The following GRID2 variants were observed in gnomAD, a reference collection of about 807,000 sequenced individuals.
The protein encoded by GRID2 is glutamate ionotropic receptor delta type subunit 2.
GRID2 carries 33 observed loss-of-function variants against 114.8 expected under a neutral mutation model. The observed-to-expected ratio is 0.29, with a 90% CI of 0.22 to 0.38. The LOEUF (loss-of-function observed/expected upper bound fraction) is 0.38, where lower values mean the gene tolerates loss of function less well. Among genes scored for constraint, GRID2 ranks in the 10% least tolerant of loss-of-function variants. GRID2 has a pLI of 1.00. For synonymous variants in GRID2, 505 were observed against 449.9 expected (o/e 1.12, Z -1.55); for missense variants, 1,184 against 1,257.7 (o/e 0.94, Z 0.89).
chr4:93,740,356 C>T (rs1370974463), intron 14 of GRID2, among the ~76,000 whole-genome samples: 1 of 152,150 alleles, frequency 6.6e-6, no homozygotes, highest in African/African-American at 2.4e-5. Context: ...TTTCAGAGCT[C>T]ATGGCAGCAA....
At chr4:92,885,632 G>A (rs542313688) in intron 2 of GRID2, among the ~76,000 whole-genome samples, 23 of 152,204 alleles carry the variant, frequency 1.5e-4, no homozygotes, top group Admixed American at 6.5e-4. Flanking sequence ...TCTTACCCCC[G>A]TTTTTATTGT....
intron 4 of GRID2, among the ~76,000 whole-genome samples, chr4:93,170,319 A>G (rs902482674): frequency 3.3e-5 from 5 of 152,102 alleles, no homozygotes; most frequent in Non-Finnish European, 7.4e-5. Flanking sequence ...CCTGGGCTCA[A>G]GTGATCCACC....
rs66550272 is a variant in GRID2 at position 93,765,608 on chromosome 4, T to TTATATATATATA, written c.2361-3588_2361-3577dup. On this transcript the variant is annotated intron_variant, in intron 14 of 15. Transcript: ENST00000282020. Reference sequence around the variant, plus strand: ...TATTAGAATTTAAATAGGTGAGGTATTATATATATATATATATATATATAT... The same window carrying TTATATATATATA: ...TATTAGAATTTAAATAGGTGAGGTATTATATATATATATATATATATATATATATATATATAT... Among the ~76,000 whole-genome samples, 93 of 29,468 alleles carry TTATATATATATA rather than the reference T, an allele frequency of 3.2e-3. 1 individual carries two copies. The highest frequency in any genetic ancestry group is 0.011 in the African/African-American group (89 of 8,362). The allele number at this position is 29,468 out of a possible 152,430, so 19.3% of individuals were successfully genotyped here.
intron 14 of GRID2, among the ~76,000 whole-genome samples, chr4:93,683,031 T>C (rs1725735566): frequency 6.6e-6 from 1 of 152,002 alleles, no homozygotes; most frequent in Admixed American, 6.6e-5. Context: ...ATTCAATATA[T>C]CTTTCCCATT....
At chr4:93,513,860 C>G (rs1443939542) in intron 12 of GRID2, among the ~76,000 whole-genome samples, 1 of 152,150 alleles carries the variant, frequency 6.6e-6, no homozygotes, top group Non-Finnish European at 1.5e-5. Context: ...GATTGGTGAA[C>G]TGCAAGAGTA....
intron 2 of GRID2, among the ~76,000 whole-genome samples, chr4:92,953,475 A>G (rs951759276): frequency 2.0e-5 from 3 of 152,170 alleles, no homozygotes; most frequent in Admixed American, 1.3e-4. Context: ...CTCATCTGTG[A>G]TCTCACTATT....
intron 8 of GRID2, among the ~76,000 whole-genome samples, chr4:93,321,694 G>A (rs1167681965): frequency 6.6e-6 from 1 of 151,198 alleles, no homozygotes; most frequent in African/African-American, 2.4e-5. Context: ...TTCACTTCTG[G>A]GATATTATAT....
At chr4:92,920,309 A>G (rs959267683) in intron 2 of GRID2, among the ~76,000 whole-genome samples, 4 of 152,186 alleles carry the variant, frequency 2.6e-5, no homozygotes, top group African/African-American at 7.2e-5. Context: ...CCAATTTGCC[A>G]GACTGTGTGT....
intron 3 of GRID2, among the ~76,000 whole-genome samples, chr4:93,089,304 A>G (rs1730582803): frequency 6.6e-6 from 1 of 152,158 alleles, no homozygotes; most frequent in South Asian, 2.1e-4. Flanking sequence ...GAATTCCAAC[A>G]TACTAATGCC....
intron 8 of GRID2, among the ~76,000 whole-genome samples, chr4:93,303,127 C>T (rs1338563626): frequency 6.6e-6 from 1 of 152,018 alleles, no homozygotes; most frequent in African/African-American, 2.4e-5. Flanking sequence ...TTTTAAACAA[C>T]CAGATCTTGT....
intron 13 of GRID2, among the ~76,000 whole-genome samples, chr4:93,574,603 G>C (rs1471814789): frequency 1.3e-5 from 2 of 152,042 alleles, no homozygotes; most frequent in African/African-American, 4.8e-5. Context: ...AAAACCTTCA[G>C]ATCTTGTGAG....
At chr4:92,502,705 C>CTTTT (rs70940901) in intron 1 of GRID2, among the ~76,000 whole-genome samples, 5 of 63,942 alleles carry the variant, frequency 7.8e-5, no homozygotes, top group Non-Finnish European at 1.1e-4. Context: ...CATGTGATTT[C>CTTTT]TTTTTTTTTT....
rs183115059 is a variant in GRID2, at chr4:92,543,533, C to A, written c.89-46598C>A. 3.0e-3 allele frequency among the ~76,000 whole-genome samples: 460 copies of A among 152,248 alleles called. 3 individuals carry two copies. Among genetic ancestry groups the A allele is most frequent in the Non-Finnish European group, 5.0e-3 (343 of 68,018 alleles). Reference sequence around the variant, plus strand: ...AATCATCAGGCATTTATTTTGTTCACTCCATCAAATACTTTAGTTTTGCAA... The same window carrying A: ...AATCATCAGGCATTTATTTTGTTCAATCCATCAAATACTTTAGTTTTGCAA... On this transcript the variant is annotated intron_variant, in intron 1 of 15. Coordinates refer to ENST00000282020, the MANE Select transcript of GRID2 (RefSeq NM_001510.4).
chr4:93,313,528 T>C (rs1024430524), intron 8 of GRID2, among the ~76,000 whole-genome samples: 2 of 152,214 alleles, frequency 1.3e-5, no homozygotes, highest in Admixed American at 1.3e-4. Context: ...AAGTCTCTCT[T>C]ACTATGTGAA....
chr4:92,999,517 A>C (rs1560782665), intron 2 of GRID2, among the ~76,000 whole-genome samples: 1 of 151,692 alleles, frequency 6.6e-6, no homozygotes, highest in Non-Finnish European at 1.5e-5. Flanking sequence ...ATATATTCTA[A>C]AGTTGCTATA....
At chr4:92,487,228 T>A (rs548101472) in intron 1 of GRID2, among the ~76,000 whole-genome samples, 2 of 152,126 alleles carry the variant, frequency 1.3e-5, no homozygotes, top group East Asian at 3.9e-4. Context: ...GACTAATTTT[T>A]TAGACCTAAA....
At chr4:93,126,800 T>C (rs1734320405) in intron 4 of GRID2, among the ~76,000 whole-genome samples, 1 of 151,522 alleles carries the variant, frequency 6.6e-6, no homozygotes, top group Non-Finnish European at 1.5e-5. Context: ...GGTTTCACCG[T>C]GTTAGCCAGG....
chr4:93,607,889 G>A (rs1457352541), intron 13 of GRID2, among the ~76,000 whole-genome samples: 2 of 151,880 alleles, frequency 1.3e-5, no homozygotes, highest in Non-Finnish European at 2.9e-5. Flanking sequence ...TAAATCATTA[G>A]AGAAGCATCT....
At chr4:93,046,589 C>T (rs1294334812) in intron 2 of GRID2, among the ~76,000 whole-genome samples, 6 of 151,990 alleles carry the variant, frequency 3.9e-5, no homozygotes, top group Non-Finnish European at 5.9e-5. Context: ...ATTCTGTACT[C>T]GTATTTTAAT....
Sources: gnomAD v4.1 joint callset for allele counts (sites outside exome capture counted in the v4.1 genomes callset) on GRCh38, gnomAD v4.1.1 for gene constraint, MANE v1.5 for transcripts, NCBI Gene and HGNC (gene_info 2026-07-23, HGNC 2026-07-21) for gene names.